FGF13: variants seen among roughly 807,000 people sequenced by gnomAD.
FGF13 encodes fibroblast growth factor homologous factor 2.
A neutral mutation model predicts 19.5 loss-of-function variants in FGF13; 2 were observed. The ratio of observed to expected loss-of-function variants is 0.10; its 90% CI spans 0.04 to 0.32. The LOEUF (loss-of-function observed/expected upper bound fraction) is 0.32. FGF13 is among the 10% of genes least tolerant of loss of function. FGF13 has a pLI of 1.00. For missense variants in FGF13, 113 were observed against 192.7 expected (o/e 0.59, Z 2.45); for synonymous variants, 72 against 76.9 (o/e 0.94, Z 0.33).
intron 1 of FGF13, among the ~76,000 whole-genome samples, chrX:138,732,463 C>A (rs935680707): frequency 1.8e-5 from 2 of 111,420 alleles, no homozygotes; most frequent in Non-Finnish European, 3.8e-5. Flanking sequence ...AAACAGTATT[C>A]TGGGTGAAAG....
intron 1 of FGF13, among the ~76,000 whole-genome samples, chrX:139,032,441 T>C (rs897296099): frequency 9.8e-5 from 11 of 111,680 alleles, no homozygotes; most frequent in African/African-American, 3.3e-4. Context: ...GGATGGTCAC[T>C]GAGAACCCAT....
intron 1 of FGF13, among the ~76,000 whole-genome samples, chrX:138,982,792 T>C (rs867901233): frequency 8.9e-6 from 1 of 112,139 alleles, no homozygotes; most frequent in African/African-American, 3.2e-5. Context: ...TTTGGGCAAA[T>C]AACATTCTTC....
rs928535444 is a variant in FGF13 at position 138,880,476 on chromosome X, A to G, written c.-112-15826T>C. Among the ~76,000 whole-genome samples, 6 of 112,137 alleles carry G rather than the reference A, an allele frequency of 5.4e-5. No homozygotes were observed. In the East Asian group the frequency reaches 1.7e-3, roughly 31 times the overall value. On this transcript the variant is annotated intron_variant, in intron 1 of 2. Transcript: ENST00000421460. ...ACTGGATAAAGAAAATATGGCACAT[A>G]TACACTAAGGAATACTATACAGCCA...
At chrX:139,190,702 C>G (rs1297907055) in intron 1 of FGF13, among the ~76,000 whole-genome samples, 1 of 112,123 alleles carries the variant, frequency 8.9e-6, no homozygotes, top group Non-Finnish European at 1.9e-5. Context: ...TACCATAGAA[C>G]TGGATACCAT....
At chrX:139,129,154 TAC>T (rs753541740) in intron 1 of FGF13, among the ~76,000 whole-genome samples, 5,406 of 92,863 alleles carry the variant, frequency 0.058, 192 homozygotes, top group African/African-American at 0.14. Context: ...CATACACACA[TAC>T]ACACACACAC....
intron 3 of FGF13, among the ~76,000 whole-genome samples, chrX:138,812,080 C>T (rs1300650774): frequency 9.0e-6 from 1 of 110,925 alleles, no homozygotes; most frequent in Non-Finnish European, 1.9e-5. Flanking sequence ...CATCCCTCCT[C>T]CTCCCAGCCC....
chrX:138,789,967 C>A (rs1292674775), intron 3 of FGF13, among the ~76,000 whole-genome samples: 14 of 92,156 alleles, frequency 1.5e-4, no homozygotes, highest in Non-Finnish European at 2.5e-4. Flanking sequence ...ATGGCGTGAA[C>A]CTGGGAGCCG....
chrX:138,676,392 T>C (rs1238862213), intron 3 of FGF13, among the ~76,000 whole-genome samples: 1 of 111,265 alleles, frequency 9.0e-6, no homozygotes, highest in African/African-American at 3.3e-5. Flanking sequence ...TGTTAAAACA[T>C]GAATGGGATT....
chrX:139,113,095 T>G (rs1370216432), intron 1 of FGF13, among the ~76,000 whole-genome samples: 2 of 107,831 alleles, frequency 1.9e-5, no homozygotes, highest in Non-Finnish European at 3.8e-5. Flanking sequence ...CACTAAGTCA[T>G]GAAAACAAAA....
At chrX:138,995,453 T>C (rs935575036) in intron 1 of FGF13, among the ~76,000 whole-genome samples, 1 of 111,611 alleles carries the variant, frequency 9.0e-6, no homozygotes, top group Non-Finnish European at 1.9e-5. Context: ...TATTTTCTGC[T>C]CCTTTCTCTC....
intron 1 of FGF13, among the ~76,000 whole-genome samples, chrX:139,156,920 T>C (rs2083981344): frequency 9.0e-6 from 1 of 111,162 alleles, no homozygotes; most frequent in South Asian, 3.8e-4. Context: ...TAAGTAAACA[T>C]CAGAAAGTCA....
chrX:138,951,131 G>A (rs781090372), intron 1 of FGF13, among the ~76,000 whole-genome samples: 14 of 111,487 alleles, frequency 1.3e-4, no homozygotes, highest in Non-Finnish European at 2.6e-4. Flanking sequence ...CTAAGGTCAC[G>A]CTGCTGGGAC....
At chrX:138,969,172 C>T (rs1400775448) in intron 1 of FGF13, among the ~76,000 whole-genome samples, 1 of 111,816 alleles carries the variant, frequency 8.9e-6, no homozygotes, top group Non-Finnish European at 1.9e-5. Context: ...AAAAGTGACA[C>T]AGTCAACTGT....
At chrX:139,136,269 T>C (rs776166100) in intron 1 of FGF13, among the ~76,000 whole-genome samples, 2 of 111,474 alleles carry the variant, frequency 1.8e-5, no homozygotes, top group Non-Finnish European at 3.8e-5. Context: ...AATTCTATAG[T>C]GGTGAATTCT....
intron 1 of FGF13, among the ~76,000 whole-genome samples, chrX:139,124,235 G>C (rs1394029307): frequency 2.7e-5 from 3 of 112,687 alleles, no homozygotes; most frequent in Non-Finnish European, 5.6e-5. Context: ...TTCAGTGACA[G>C]ACGTCATGTG....
intron 1 of FGF13, among the ~76,000 whole-genome samples, chrX:138,920,716 TAGAG>T (rs1053443529): frequency 9.0e-6 from 1 of 111,562 alleles, no homozygotes; most frequent in African/African-American, 3.3e-5. Context: ...GTTGTAATGA[TAGAG>T]AAAGGACTGG....
chrX:139,180,248 C>T (rs184069869), intron 1 of FGF13, among the ~76,000 whole-genome samples: 4 of 112,220 alleles, frequency 3.6e-5, no homozygotes, highest in Middle Eastern at 4.6e-3. Context: ...CCAAGCTGCT[C>T]ACCACCACTG....
At chrX:139,088,648 C>T (rs1282563803) in intron 1 of FGF13, among the ~76,000 whole-genome samples, 1 of 111,298 alleles carries the variant, frequency 9.0e-6, no homozygotes, top group Non-Finnish European at 1.9e-5. Flanking sequence ...TGATATGTCC[C>T]CTCTCACAAT....
At chrX:138,898,742 C>A (rs999967223) in intron 1 of FGF13, among the ~76,000 whole-genome samples, 1 of 111,766 alleles carries the variant, frequency 8.9e-6, no homozygotes, top group Admixed American at 9.5e-5. Context: ...CTTTTAACAT[C>A]TTCATAAAAT....
Sources: gnomAD v4.1 joint callset for allele counts (sites outside exome capture counted in the v4.1 genomes callset) on GRCh38, gnomAD v4.1.1 for gene constraint, MANE v1.5 for transcripts, NCBI Gene and HGNC (gene_info 2026-07-23, HGNC 2026-07-21) for gene names.